The following CARMIL1 variants were observed in gnomAD, a reference collection of about 807,000 sequenced individuals.
CARMIL1 encodes the protein F-actin-uncapping protein LRRC16A.
Under a neutral mutation model 177.1 loss-of-function variants are expected in CARMIL1, and 90 were observed. The ratio of observed to expected loss-of-function variants is 0.51; its 90% CI spans 0.43 to 0.61. The LOEUF (loss-of-function observed/expected upper bound fraction) is 0.61. Ranked by LOEUF, CARMIL1 falls within the 20% of genes least tolerant of loss-of-function variation. CARMIL1 has a pLI of 0.00. For synonymous variants in CARMIL1, 577 were observed against 606.2 expected (o/e 0.95, Z 0.71); for missense variants, 1,380 against 1,667.0 (o/e 0.83, Z 3.00).
chr6:25,448,914 TTC>T (rs1798503221), intron 5 of CARMIL1, among the ~76,000 whole-genome samples: 1 of 127,852 alleles, frequency 7.8e-6, no homozygotes, highest in Non-Finnish European at 1.6e-5. Context: ...CCAGGGATTC[TTC>T]TTTTTTTTTT....
At chr6:25,408,777 A>G (rs960260771) in intron 2 of CARMIL1, among the ~76,000 whole-genome samples, 1 of 151,896 alleles carries the variant, frequency 6.6e-6, no homozygotes, top group Non-Finnish European at 1.5e-5. Context: ...CCAGGAGTTA[A>G]GACCGGCCTG....
At chr6:25,506,680 T>A (rs927532933) in intron 17 of CARMIL1, among the ~76,000 whole-genome samples, 1 of 152,236 alleles carries the variant, frequency 6.6e-6, no homozygotes, top group Non-Finnish European at 1.5e-5. Context: ...ATGTTTTCTG[T>A]CCTTGGAGAA....
At chr6:25,390,480 C>T (rs915644506) in intron 2 of CARMIL1, among the ~76,000 whole-genome samples, 5 of 151,070 alleles carry the variant, frequency 3.3e-5, no homozygotes, top group Non-Finnish European at 7.4e-5. Flanking sequence ...TGCCAACAAG[C>T]GAGCCTATTT....
At chr6:25,410,943 C>T (rs11757732) in intron 2 of CARMIL1, among the ~76,000 whole-genome samples, 2 of 152,140 alleles carry the variant, frequency 1.3e-5, no homozygotes, top group Non-Finnish European at 2.9e-5. Context: ...TCCCCTGACC[C>T]CTCTTAACTC....
At chr6:25,567,743 C>T (rs188526529) in intron 29 of CARMIL1, among the ~76,000 whole-genome samples, 1 of 152,264 alleles carries the variant, frequency 6.6e-6, no homozygotes, top group East Asian at 1.9e-4. Context: ...GACTCCACTC[C>T]ACATTATGCT....
chr6:25,450,248 A>C, intron 6 of CARMIL1, 91 bp from the exon 7 acceptor site: 2 of 897,278 alleles, frequency 2.2e-6, no homozygotes, highest in Middle Eastern at 2.1e-4. Context: ...GATAATCAGC[A>C]TTGTCAACAT....
At chr6:25,384,595 G>T (rs1420018708) in intron 2 of CARMIL1, among the ~76,000 whole-genome samples, 6 of 152,232 alleles carry the variant, frequency 3.9e-5, no homozygotes, top group African/African-American at 1.4e-4. Flanking sequence ...GCACTGTATG[G>T]ACACCAGTTT....
chr6:25,370,088 G>A (rs926403), intron 2 of CARMIL1: 13,469 of 152,240 alleles, frequency 0.088, 795 homozygotes, highest in East Asian at 0.29. Context: ...AGCTGTTACA[G>A]TAAGCATAAA....
At chr6:25,352,906 T>C (rs1334466829) in intron 2 of CARMIL1, among the ~76,000 whole-genome samples, 2 of 152,234 alleles carry the variant, frequency 1.3e-5, no homozygotes, top group Non-Finnish European at 2.9e-5. Context: ...AACCTGACCA[T>C]GGCTGCTGGC....
intron 2 of CARMIL1, among the ~76,000 whole-genome samples, chr6:25,359,409 C>G (rs11759648): frequency 0.08 from 12,155 of 152,260 alleles, 577 homozygotes; most frequent in Non-Finnish European, 0.1. Flanking sequence ...ATGAGGCTCT[C>G]CTGGCAGATT....
At chr6:25,428,671 C>G (rs1796476365) in intron 4 of CARMIL1, among the ~76,000 whole-genome samples, 1 of 152,114 alleles carries the variant, frequency 6.6e-6, no homozygotes, top group Non-Finnish European at 1.5e-5. Context: ...ATATATTTCT[C>G]CATTTGTTTA....
At chr6:25,351,381 A>G (rs912150208) in intron 2 of CARMIL1, among the ~76,000 whole-genome samples, 1 of 152,248 alleles carries the variant, frequency 6.6e-6, no homozygotes, top group Non-Finnish European at 1.5e-5. Context: ...CACACAGCAC[A>G]TATTCTGTTT....
At chr6:25,530,367 T>C (rs997723089) in intron 24 of CARMIL1, among the ~76,000 whole-genome samples, 2 of 151,866 alleles carry the variant, frequency 1.3e-5, no homozygotes, top group Non-Finnish European at 2.9e-5. Context: ...AAAGAAAAAG[T>C]AGCCAGGTGT....
chr6:25,398,598 A>G (rs569180812), intron 2 of CARMIL1, among the ~76,000 whole-genome samples: 2 of 152,234 alleles, frequency 1.3e-5, no homozygotes, highest in Admixed American at 6.5e-5. Context: ...CAGACGACAC[A>G]GGCTAGCTAT....
chr6:25,590,032 T>G (rs1814144701), intron 31 of CARMIL1, among the ~76,000 whole-genome samples: 1 of 152,108 alleles, frequency 6.6e-6, no homozygotes, highest in Non-Finnish European at 1.5e-5. Flanking sequence ...TGAATCATAT[T>G]TCCATCCCCA....
In CARMIL1 at chr6:25,408,938, T is replaced by C. The variant is rs376937453; in HGVS notation, c.139-11176T>C. ...GTAGGCTTTTTACATGTTACCCCTT[T>C]AATCCCCACAACTGTCCAACAGAGT... On this transcript the variant is annotated intron_variant, in intron 2 of 36. Coordinates refer to ENST00000329474, the MANE Select transcript of CARMIL1 (RefSeq NM_017640.6). Among the ~76,000 whole-genome samples, 5 of 152,320 alleles carry C rather than the reference T, an allele frequency of 3.3e-5. No individual in the cohort carries two copies. The South Asian group carries it at 1.0e-3, about 32-fold the overall frequency.
At chr6:25,365,760 A>G (rs1789721174) in intron 2 of CARMIL1, among the ~76,000 whole-genome samples, 1 of 152,162 alleles carries the variant, frequency 6.6e-6, no homozygotes, top group Admixed American at 6.5e-5. Flanking sequence ...CATGTTGCCT[A>G]GGATGGCCTC....
intron 2 of CARMIL1, among the ~76,000 whole-genome samples, chr6:25,385,154 G>A (rs966645861): frequency 1.3e-5 from 2 of 152,202 alleles, no homozygotes; most frequent in African/African-American, 2.4e-5. Flanking sequence ...CAGGAGAACC[G>A]TTATCTAAGG....
chr6:25,600,724 A>G lies in CARMIL1; in HGVS notation c.3530A>G (p.Lys1177Arg). 1 of 1,558,230 alleles carries G rather than the reference A, an allele frequency of 6.4e-7. No individual in the cohort carries two copies. The highest frequency in any genetic ancestry group is 8.7e-7 in the Non-Finnish European group (1 of 1,155,064). ...LLAEMKAKQE[K>R]RAACAQKKLG... ...GCAGAGATGAAAGCCAAGCAAGAGA[A>G]GAGAGCTGCGTGTGCGCAGAAGGTA... is the stretch of plus-strand genomic sequence containing the variant. Residue 1177 changes from lysine (K) to arginine (R), a missense_variant, in exon 33 of 37, where the codon AAG becomes AGG. Transcript: ENST00000329474.
Sources: allele counts gnomAD v4.1 joint callset (sites outside exome capture counted in the v4.1 genomes callset), GRCh38; gene constraint gnomAD v4.1.1; transcripts MANE v1.5; gene names NCBI Gene and HGNC (gene_info 2026-07-23, HGNC 2026-07-21).